ARSG: variants seen among roughly 807,000 people sequenced by gnomAD.
ARSG encodes the protein arylsulfatase G.
A neutral mutation model predicts 50.5 loss-of-function variants in ARSG; 37 were observed. The observed-to-expected ratio is 0.73, with a 90% CI of 0.56 to 0.96. The LOEUF (loss-of-function observed/expected upper bound fraction) is 0.96, where lower values mean the gene tolerates loss of function less well. Among genes scored for constraint, ARSG ranks in the 50% least tolerant of loss-of-function variants. ARSG has a pLI of 0.00. For missense variants in ARSG, 629 were observed against 675.3 expected, an observed-to-expected ratio of 0.93 and a Z score of 0.76; for synonymous variants, 225 against 254.6, an observed-to-expected ratio of 0.88 and a Z score of 1.11.
chr17:68,349,746 G>A (rs2078672844), intron 4 of ARSG, among the ~76,000 whole-genome samples: 1 of 152,028 alleles, frequency 6.6e-6, no homozygotes, highest in South Asian at 2.1e-4. Flanking sequence ...AGCTGGGCGT[G>A]GTGACAGGTG....
At chr17:68,426,816 T>G (rs749815453), downstream of ARSG, among the ~76,000 whole-genome samples, 1 of 152,192 alleles carries the variant, frequency 6.6e-6, no homozygotes, top group Non-Finnish European at 1.5e-5. Context: ...ATTACAGGTG[T>G]GAGCCAATGT....
the ARSG span, among the ~76,000 whole-genome samples, chr17:68,438,681 A>G: frequency 1.3e-5 from 2 of 152,100 alleles, no homozygotes; most frequent in African/African-American, 4.8e-5. Flanking sequence ...GCTCACTGCA[A>G]CCTCCGCCTC....
chr17:68,383,578 T>G (rs922868975), intron 8 of ARSG, among the ~76,000 whole-genome samples: 4 of 152,232 alleles, frequency 2.6e-5, no homozygotes, highest in Admixed American at 6.5e-5. Flanking sequence ...GGGGTGGAAG[T>G]ATCTACAAAG....
rs373172948 is a variant in ARSG at position 68,300,604 on chromosome 17, A to G, written c.-551-6339A>G. Reference sequence around the variant, plus strand: ...TTCAGAGGTCCATCTCCTCTCTCTGATCTGTGAGCGAGGACACAGATATAA... The same window carrying G: ...TTCAGAGGTCCATCTCCTCTCTCTGGTCTGTGAGCGAGGACACAGATATAA... On this transcript the variant is annotated intron_variant, in intron 1 of 11. Transcript: ENST00000621439. 1.2e-4 allele frequency among the ~76,000 whole-genome samples: 18 copies of G among 152,186 alleles called. No homozygotes were observed. In the South Asian group the frequency reaches 2.3e-3, roughly 19 times the overall value.
chr17:68,277,402 T>C (rs2075558892), intron 1 of ARSG, among the ~76,000 whole-genome samples: 1 of 152,024 alleles, frequency 6.6e-6, no homozygotes, highest in South Asian at 2.1e-4. Flanking sequence ...AGTGCTGGGA[T>C]TACAGGCGTG....
rs529634151 is a variant in ARSG, at chr17:68,264,937, T to C, written c.-552+5511T>C. ...GGGAGGCCGAGGTGGGTGGATCACC[T>C]GAGATCAGGAGTTTGAGACCAGCCT... is the stretch of plus-strand genomic sequence containing the variant. On this transcript the variant is annotated intron_variant, in intron 1 of 11. Transcript: ENST00000448504. 3.3e-5 allele frequency among the ~76,000 whole-genome samples: 5 copies of C among 151,790 alleles called. No individual in the cohort carries two copies. The East Asian group carries it at 9.9e-4, about 30-fold the overall frequency.
upstream of ARSG, among the ~76,000 whole-genome samples, chr17:68,288,304 CCTTTT>C (rs1443765644): frequency 1.3e-5 from 2 of 152,114 alleles, no homozygotes; most frequent in African/African-American, 4.8e-5. Flanking sequence ...CCGGCCTTCT[CCTTTT>C]CTTTTTTTCC....
the ARSG span, chr17:68,430,188 G>T: frequency 1.3e-6 from 2 of 1,592,936 alleles, no homozygotes; most frequent in Admixed American, 3.6e-5. Context: ...GGCAACGATG[G>T]GACTGGGCTG....
At chr17:68,387,773 A>G (rs2080798266) in intron 9 of ARSG, among the ~76,000 whole-genome samples, 2 of 152,224 alleles carry the variant, frequency 1.3e-5, no homozygotes, top group South Asian at 4.1e-4. Context: ...CCCTTAAGCC[A>G]CTAAGAGCTA....
intron 11 of ARSG, among the ~76,000 whole-genome samples, chr17:68,412,059 C>G (rs2082031831): frequency 6.6e-6 from 1 of 152,174 alleles, no homozygotes; most frequent in Non-Finnish European, 1.5e-5. Context: ...ACTGATGGGT[C>G]TTGACTCTTT....
At chr17:68,288,369 G>C (rs1244312417), upstream of ARSG, among the ~76,000 whole-genome samples, 3 of 152,144 alleles carry the variant, frequency 2.0e-5, no homozygotes, top group East Asian at 5.8e-4. Context: ...CAAAGCAACT[G>C]AGGCCTGAAT....
chr17:68,402,587 T>A (rs1026751147), intron 11 of ARSG, among the ~76,000 whole-genome samples: 1 of 151,964 alleles, frequency 6.6e-6, no homozygotes, highest in Non-Finnish European at 1.5e-5. Context: ...TGCAGTGGCG[T>A]GATCTTGGCT....
chr17:68,275,810 T>C (rs2075496770), intron 1 of ARSG, among the ~76,000 whole-genome samples: 1 of 151,692 alleles, frequency 6.6e-6, no homozygotes, highest in South Asian at 2.1e-4. Context: ...CAAAACCCCG[T>C]CTCTACTATA....
At chr17:68,305,968 T>C (rs782050779) in intron 1 of ARSG, among the ~76,000 whole-genome samples, 31 of 151,558 alleles carry the variant, frequency 2.0e-4, no homozygotes, top group Non-Finnish European at 4.4e-5. Context: ...TCCCAGCTAC[T>C]AGGAGGCTGA....
At position 68,271,332 on chromosome 17, in the gene ARSG, T is replaced by C. The variant is rs1555748611; in HGVS notation, c.-552+11906T>C. 1 of 1,614,252 alleles carries C rather than the reference T, an allele frequency of 6.2e-7. No individual in the cohort carries two copies. Among genetic ancestry groups the C allele is most frequent in the East Asian group, 2.2e-5 (1 of 44,888 alleles). ...CTAATAGCGGGGCTTTCTTTTCGCT[T>C]GGCCTGGGGCTGGTCTTCACCAGGA... On this transcript the variant is annotated intron_variant, in intron 1 of 11. Coordinates refer to the ARSG transcript ENST00000448504. This position sits in a 1 kb window ranked among gnomAD's most constrained non-coding sequence, Gnocchi z 5.3.
intron 1 of ARSG, among the ~76,000 whole-genome samples, chr17:68,259,679 C>T (rs2075042784): frequency 6.6e-6 from 1 of 152,210 alleles, no homozygotes; most frequent in Non-Finnish European, 1.5e-5. Flanking sequence ...AATATCAATG[C>T]TGAATGTTTT....
At chr17:68,437,005 A>ATATATAT in the ARSG span, among the ~76,000 whole-genome samples, 263 of 107,188 alleles carry the variant, frequency 2.5e-3, 1 homozygote, top group Middle Eastern at 0.011. Context: ...AAAAAAAAAA[A>ATATATAT]ATATATATAT....
intron 3 of ARSG, chr17:68,346,690 T>C (rs2078519070): frequency 8.3e-7 from 1 of 1,205,148 alleles, no homozygotes; most frequent in South Asian, 1.5e-5. Flanking sequence ...GAGAGGAAGA[T>C]GATGAAACCA....
intron 2 of ARSG, among the ~76,000 whole-genome samples, chr17:68,317,247 G>C (rs558501613): frequency 6.6e-6 from 1 of 152,076 alleles, no homozygotes; most frequent in Non-Finnish European, 1.5e-5. Flanking sequence ...ATAAAATAGG[G>C]ATTATGGCCT....
Sources: gnomAD v4.1 joint callset for allele counts (sites outside exome capture counted in the v4.1 genomes callset) on GRCh38, gnomAD v4.1.1 for gene constraint, Gnocchi (gnomAD v3.1) non-coding constraint, MANE v1.5 for transcripts, NCBI Gene and HGNC (gene_info 2026-07-23, HGNC 2026-07-21) for gene names.